METTL25: variants seen among roughly 807,000 people sequenced by gnomAD.
METTL25 encodes probable methyltransferase-like protein 25.
A neutral mutation model predicts 71.6 loss-of-function variants in METTL25; 64 were observed. The observed-to-expected ratio is 0.89, with a 90% CI of 0.73 to 1.10. The LOEUF is 1.10. Among genes scored for constraint, METTL25 ranks in the 50% least tolerant of loss-of-function variants. The pLI, the probability that METTL25 is intolerant of heterozygous loss-of-function variation, is 0.00. For synonymous variants in METTL25, 287 were observed against 250.3 expected, an observed-to-expected ratio of 1.15 and a Z score of -1.38; for missense variants, 807 against 707.0, an observed-to-expected ratio of 1.14 and a Z score of -1.60.
At chr12:82,401,979 TTAAC>T (rs893586055) in intron 4 of METTL25, among the ~76,000 whole-genome samples, 69 of 152,112 alleles carry the variant, frequency 4.5e-4, no homozygotes, top group African/African-American at 1.6e-3. Flanking sequence ...TACTCCTACT[TTAAC>T]TAAATTTTTA....
At chr12:82,430,133 G>T (rs1174505876) in intron 5 of METTL25, among the ~76,000 whole-genome samples, 1 of 149,088 alleles carries the variant, frequency 6.7e-6, no homozygotes, top group Admixed American at 6.7e-5. Flanking sequence ...ATTGTCACTG[G>T]GTTTGTTTTA....
At chr12:82,476,835 C>T in intron 10 of METTL25, 117 bp downstream of exon 10, 2 of 621,668 alleles carry the variant, frequency 3.2e-6, no homozygotes, top group East Asian at 5.9e-5. Flanking sequence ...TGTAGAAAAA[C>T]TGTTTTGGAT....
chr12:82,367,369 T>TA (rs1882687327), intron 1 of METTL25, among the ~76,000 whole-genome samples: 2 of 152,238 alleles, frequency 1.3e-5, no homozygotes, highest in Middle Eastern at 3.4e-3. Flanking sequence ...TCCTTGGTTT[T>TA]AAAAAAAACT....
chr12:82,391,618 C>A (rs1322121775), intron 3 of METTL25, among the ~76,000 whole-genome samples: 1 of 151,470 alleles, frequency 6.6e-6, no homozygotes, highest in Non-Finnish European at 1.5e-5. Flanking sequence ...ATTTCTTTAT[C>A]CATAAATTCA....
At chr12:82,439,287 G>T (rs1016532148) in intron 8 of METTL25, among the ~76,000 whole-genome samples, 12 of 151,598 alleles carry the variant, frequency 7.9e-5, no homozygotes, top group African/African-American at 2.9e-4. Context: ...TATTCCTGTT[G>T]CCCCTAAATA....
rs1376451672 is a variant in METTL25 at position 82,478,953 on chromosome 12, C to G, written c.1741C>G (p.Leu581Val). ...ACAGGAAGATATTGCATGGTCTGCT[C>G]TTGTGAAGTTGTTTGATCCCGTGAA... Reference protein sequence around the residue: ...KEQEDIAWSALVKLFDPVKSP... With the variant: ...KEQEDIAWSAVVKLFDPVKSP... The change falls in exon 12 of 12, where the codon CTT (leucine) becomes GTT (valine). Residue 581 changes from leucine (L) to valine (V), a missense_variant. Coordinates refer to ENST00000248306, the MANE Select transcript of METTL25 (RefSeq NM_032230.3). 1.9e-6 allele frequency: 3 copies of G among 1,612,384 alleles called. No homozygotes were observed. In the East Asian group the frequency reaches 6.7e-5, roughly 36 times the overall value.
intron 9 of METTL25, chr12:82,474,505 T>C (rs1023689798): frequency 6.6e-6 from 1 of 152,204 alleles, no homozygotes; most frequent in Admixed American, 6.5e-5. Flanking sequence ...TTCCAGGTAT[T>C]TCTGGTCTGC....
intron 8 of METTL25, among the ~76,000 whole-genome samples, chr12:82,453,480 C>G (rs1203798231): frequency 6.6e-6 from 1 of 152,082 alleles, no homozygotes; most frequent in East Asian, 1.9e-4. Flanking sequence ...TTTACTTAAC[C>G]TCTGTCTACT....
Position 82,442,807 on chromosome 12 carries a change from C to G in METTL25, c.1478+4016C>G, listed in dbSNP as rs367968234. On this transcript the variant is annotated intron_variant, in intron 8 of 11. Coordinates refer to ENST00000248306, the MANE Select transcript of METTL25 (RefSeq NM_032230.3). Reference sequence around the variant, plus strand: ...AAAGTTTAATTTAAAGAACTATGCTCAATATGCACATTGAAATAAAATATT... The same window carrying G: ...AAAGTTTAATTTAAAGAACTATGCTGAATATGCACATTGAAATAAAATATT... Among the ~76,000 whole-genome samples, 16 of 151,928 alleles carry G rather than the reference C, an allele frequency of 1.1e-4. 1 individual carries two copies. The highest frequency in any genetic ancestry group is 3.4e-4 in the African/African-American group (14 of 41,442).
intron 4 of METTL25, among the ~76,000 whole-genome samples, chr12:82,401,842 G>A (rs927946884): frequency 6.6e-6 from 1 of 151,920 alleles, no homozygotes; most frequent in African/African-American, 2.4e-5. Flanking sequence ...CATTATCATG[G>A]TTTGAGTGTC....
chr12:82,451,735 A>G (rs1159942381), intron 8 of METTL25, among the ~76,000 whole-genome samples: 5 of 152,302 alleles, frequency 3.3e-5, no homozygotes, highest in South Asian at 2.1e-4. Context: ...TTATTTGCCT[A>G]TCAACTCCAA....
At chr12:82,367,086 T>A (rs1236000016) in intron 1 of METTL25, among the ~76,000 whole-genome samples, 1 of 152,232 alleles carries the variant, frequency 6.6e-6, no homozygotes, top group Non-Finnish European at 1.5e-5. Context: ...TTCTAATTTT[T>A]AATGGTACCT....
At chr12:82,457,307 G>A (rs1380443112) in intron 9 of METTL25, among the ~76,000 whole-genome samples, 1 of 135,118 alleles carries the variant, frequency 7.4e-6, no homozygotes, top group African/African-American at 2.8e-5. Flanking sequence ...TTGACTGATA[G>A]TAATAAATAT....
At chr12:82,476,367 A>C in intron 9 of METTL25, 1 of 308,348 alleles carries the variant, frequency 3.2e-6, no homozygotes, top group Non-Finnish European at 5.9e-6. Context: ...AACAAATGAA[A>C]GTAAATATTT....
At chr12:82,443,673 G>A (rs895049714) in intron 8 of METTL25, among the ~76,000 whole-genome samples, 12 of 152,142 alleles carry the variant, frequency 7.9e-5, no homozygotes, top group Admixed American at 2.0e-4. Context: ...GGCTTATGGA[G>A]AGGGCCTCAG....
At chr12:82,457,514 G>T (rs1268949478) in intron 9 of METTL25, among the ~76,000 whole-genome samples, 2 of 151,748 alleles carry the variant, frequency 1.3e-5, no homozygotes, top group African/African-American at 4.8e-5. Flanking sequence ...AAAGCTAAAG[G>T]GTATTATTAT....
intron 1 of METTL25, among the ~76,000 whole-genome samples, chr12:82,383,822 A>G (rs1884693484): frequency 6.6e-6 from 1 of 152,104 alleles, no homozygotes; most frequent in Non-Finnish European, 1.5e-5. Flanking sequence ...TGACTCTTCT[A>G]TCTTTGTCCT....
chr12:82,461,586 C>G (rs1050661431), intron 9 of METTL25, among the ~76,000 whole-genome samples: 2 of 151,800 alleles, frequency 1.3e-5, no homozygotes, highest in African/African-American at 4.8e-5. Flanking sequence ...TTTTCCAAAA[C>G]TAGCAATCAT....
intron 1 of METTL25, among the ~76,000 whole-genome samples, chr12:82,369,011 C>T (rs1443659426): frequency 6.6e-6 from 1 of 152,202 alleles, no homozygotes; most frequent in Non-Finnish European, 1.5e-5. Context: ...GGAATTTTCC[C>T]TCTACCCTTA....
Sources: gnomAD v4.1 joint callset for allele counts (sites outside exome capture counted in the v4.1 genomes callset) on GRCh38, gnomAD v4.1.1 for gene constraint, MANE v1.5 for transcripts, NCBI Gene and HGNC (gene_info 2026-07-23, HGNC 2026-07-21) for gene names.